The following THSD7A variants were observed in gnomAD, a reference collection of about 807,000 sequenced individuals.
THSD7A encodes thrombospondin type-1 domain-containing protein 7A.
THSD7A carries 96 observed loss-of-function variants against 231.3 expected under a neutral mutation model. That is an observed-to-expected ratio of 0.41 (90% CI 0.35 to 0.49). THSD7A has a LOEUF of 0.49. Ranked by LOEUF, THSD7A falls within the 20% of genes least tolerant of loss-of-function variation. The pLI, the probability that THSD7A is intolerant of heterozygous loss-of-function variation, is 0.05. For missense variants in THSD7A, 2,290 were observed against 2,070.2 expected (o/e 1.11, Z -2.06); for synonymous variants, 940 against 743.3 (o/e 1.26, Z -4.30).
intron 1 of THSD7A, among the ~76,000 whole-genome samples, chr7:11,771,370 A>C (rs1274549097): frequency 6.6e-6 from 1 of 152,006 alleles, no homozygotes; most frequent in Non-Finnish European, 1.5e-5. Context: ...TTGATGTTAT[A>C]AATACAGAGA....
intron 1 of THSD7A, among the ~76,000 whole-genome samples, chr7:11,808,114 C>T (rs11768257): frequency 0.83 from 126,378 of 152,042 alleles, 52,679 homozygotes; most frequent in Middle Eastern, 0.9. Context: ...GTTCTGATTA[C>T]GCCAGGGTGC....
At chr7:11,711,232 A>C (rs78169087) in intron 1 of THSD7A, among the ~76,000 whole-genome samples, 2 of 150,804 alleles carry the variant, frequency 1.3e-5, no homozygotes, top group Non-Finnish European at 3.0e-5. Context: ...ATTTCAAGTC[A>C]TAGGTTTTGT....
intron 1 of THSD7A, among the ~76,000 whole-genome samples, chr7:11,830,676 T>C (rs1785166911): frequency 6.6e-6 from 1 of 152,216 alleles, no homozygotes; most frequent in African/African-American, 2.4e-5. Flanking sequence ...TCTTTAAAAA[T>C]TCCAGATATC....
At chr7:11,820,764 G>A in intron 1 of THSD7A, 1 of 1,205,874 alleles carries the variant, frequency 8.3e-7, no homozygotes, top group Non-Finnish European at 1.2e-6. Flanking sequence ...TTGTAGGAGT[G>A]AGATGACCGG....
chr7:11,826,990 C>T (rs1027870701), intron 1 of THSD7A, among the ~76,000 whole-genome samples: 1 of 151,696 alleles, frequency 6.6e-6, no homozygotes, highest in African/African-American at 2.4e-5. Flanking sequence ...AAAATTTTAA[C>T]TTTTATATTT....
chr7:11,816,895 T>A (rs911211848), intron 1 of THSD7A, among the ~76,000 whole-genome samples: 1 of 152,202 alleles, frequency 6.6e-6, no homozygotes, highest in African/African-American at 2.4e-5. Flanking sequence ...TGTGCCTGTA[T>A]ATATATGCAT....
intron 1 of THSD7A, among the ~76,000 whole-genome samples, chr7:11,701,632 G>A (rs1005398395): frequency 6.6e-6 from 1 of 150,840 alleles, no homozygotes; most frequent in Non-Finnish European, 1.5e-5. Flanking sequence ...ATAACCTGGG[G>A]TCTTGTTAAA....
At chr7:11,584,855 T>C (rs1368743175) in intron 4 of THSD7A, among the ~76,000 whole-genome samples, 1 of 152,246 alleles carries the variant, frequency 6.6e-6, no homozygotes, top group African/African-American at 2.4e-5. Flanking sequence ...AACAGTTCTA[T>C]ATTCAGAGAT....
intron 1 of THSD7A, among the ~76,000 whole-genome samples, chr7:11,712,701 G>C (rs1290600048): frequency 6.6e-6 from 1 of 150,964 alleles, no homozygotes; most frequent in Non-Finnish European, 1.5e-5. Flanking sequence ...TTACTTAGAA[G>C]TGTTTTCTAC....
chr7:11,643,622 C>A (rs1635184), intron 1 of THSD7A, among the ~76,000 whole-genome samples: 22,257 of 151,432 alleles, frequency 0.15, 1,787 homozygotes, highest in Admixed American at 0.21. Context: ...CACACACACA[C>A]AGATTGAACC....
chr7:11,675,772 C>T (rs1253049228), intron 1 of THSD7A, among the ~76,000 whole-genome samples: 2 of 152,170 alleles, frequency 1.3e-5, no homozygotes, highest in East Asian at 3.9e-4. Flanking sequence ...CAGTAAGGGG[C>T]TTATAGATAA....
chr7:11,654,580 G>A (rs1040544543), intron 1 of THSD7A, among the ~76,000 whole-genome samples: 10 of 151,844 alleles, frequency 6.6e-5, no homozygotes, highest in Admixed American at 2.6e-4. Context: ...TTTGTGTATG[G>A]ATATAAATTT....
chr7:11,397,173 G>C (rs554555508), intron 23 of THSD7A, among the ~76,000 whole-genome samples: 1 of 151,506 alleles, frequency 6.6e-6, no homozygotes, highest in Non-Finnish European at 1.5e-5. Context: ...ACAGCCACAG[G>C]GCTACAGTAA....
intron 8 of THSD7A, among the ~76,000 whole-genome samples, chr7:11,471,392 T>A (rs1428537428): frequency 1.3e-5 from 2 of 151,996 alleles, no homozygotes; most frequent in Non-Finnish European, 2.9e-5. Flanking sequence ...TTTTCAGAAG[T>A]GAACTACGAG....
At position 11,593,264 on chromosome 7, in the gene THSD7A, G is replaced by A. The variant is rs556698708; in HGVS notation, c.1261C>T (p.Pro421Ser). 14 of 1,613,818 alleles carry A rather than the reference G, an allele frequency of 8.7e-6. No homozygotes were observed. The highest frequency in any genetic ancestry group is 7.7e-5 in the South Asian group (7 of 91,068). The change falls in exon 3 of 28, where the codon CCC becomes TCC. Residue 421 changes from proline (P) to serine (S), a missense_variant. Coordinates refer to ENST00000423059, the MANE Select transcript of THSD7A (RefSeq NM_015204.3). ...PCLSQGDGVV[P>S]CATYGWRTTE... ...TCTTTATTTACTCACGTGGCACAGG[G>A]GACAACTCCATCTCCTTGAGACAAA...
chr7:11,760,460 T>C (rs1782818352), intron 1 of THSD7A, among the ~76,000 whole-genome samples: 2 of 152,206 alleles, frequency 1.3e-5, no homozygotes, highest in South Asian at 4.1e-4. Flanking sequence ...ATGTGAATGT[T>C]CCTCATTATG....
chr7:11,529,899 C>T (rs951288030), intron 6 of THSD7A, among the ~76,000 whole-genome samples: 4 of 152,162 alleles, frequency 2.6e-5, no homozygotes, highest in Admixed American at 1.3e-4. Flanking sequence ...AAAGTAACAA[C>T]AAACACTTAA....
rs111305719 is a variant in THSD7A, at chr7:11,431,035, G to A, written c.3065-1910C>T. Among the ~76,000 whole-genome samples the A allele has an allele frequency of 3.9e-5, 6 of 152,176 alleles. 2 individuals carry two copies. Among genetic ancestry groups the A allele is most frequent in the African/African-American group, 1.4e-4 (6 of 41,516 alleles). ...TTACAGTGAAATTGCTCAGTTATGT[G>A]GTAACTCACTTAGCTTTTTCAGGAA... On this transcript the variant is annotated intron_variant, in intron 13 of 27. Transcript: ENST00000423059.
At chr7:11,803,597 T>A (rs1784331535) in intron 1 of THSD7A, among the ~76,000 whole-genome samples, 1 of 152,110 alleles carries the variant, frequency 6.6e-6, no homozygotes, top group South Asian at 2.1e-4. Context: ...ATATACTCAT[T>A]TATGGTGACG....
Sources: allele counts gnomAD v4.1 joint callset (sites outside exome capture counted in the v4.1 genomes callset), GRCh38; gene constraint gnomAD v4.1.1; transcripts MANE v1.5; gene names NCBI Gene and HGNC (gene_info 2026-07-23, HGNC 2026-07-21).